MICU3: variants seen among roughly 807,000 people sequenced by gnomAD.
MICU3 encodes calcium uptake protein 3, mitochondrial.
A neutral mutation model predicts 66.5 loss-of-function variants in MICU3; 62 were observed. The observed-to-expected ratio is 0.93, with a 90% CI of 0.76 to 1.15. MICU3 has a LOEUF of 1.15. Ranked by LOEUF, MICU3 falls within the 50% of genes most tolerant of loss-of-function variation. MICU3 has a pLI of 0.00. For missense variants in MICU3, 779 were observed against 664.4 expected (o/e 1.17, Z -1.90); for synonymous variants, 308 against 240.7 (o/e 1.28, Z -2.59).
rs753397356 is a variant in MICU3 at position 17,064,204 on chromosome 8, T to A, written c.502T>A (p.Phe168Ile). ...GCAGTTATTCATGACTCCGTATGATTTTATTTTGGCTGTTACAACAGATGA... is the reference window on the plus strand; with the variant it reads ...GCAGTTATTCATGACTCCGTATGATATTATTTTGGCTGTTACAACAGATGA... The part of the protein sequence containing the change: ...EGQLFMTPYD[F>I]ILAVTTDEPK... The change falls in exon 2 of 15, where the codon TTT (phenylalanine) becomes ATT (isoleucine). Residue 168 changes from phenylalanine to isoleucine, a missense_variant. Phe to Ile is a conservative substitution (Grantham distance 21, BLOSUM62 0). Transcript: ENST00000318063. 4.3e-6 allele frequency: 7 copies of A among 1,612,400 alleles called. No individual in the cohort carries two copies. Among genetic ancestry groups the A allele is most frequent in the Non-Finnish European group, 5.9e-6 (7 of 1,178,942 alleles).
intron 13 of MICU3, among the ~76,000 whole-genome samples, chr8:17,118,500 A>T (rs987397614): frequency 2.0e-5 from 3 of 152,148 alleles, no homozygotes; most frequent in African/African-American, 7.2e-5. Flanking sequence ...TAGATCTCAA[A>T]ATCATATTCT....
chr8:17,121,364 A>G lies in MICU3; in HGVS notation c.*1077A>G, dbSNP rs1466321563. 6.6e-6 allele frequency: 1 copy of G among 151,830 alleles called. No homozygotes were observed. The highest frequency in any genetic ancestry group is 1.5e-5 in the Non-Finnish European group (1 of 67,752). 9.4% of individuals were successfully genotyped at this position (151,830 alleles called of 1,614,324 possible). A position where few individuals can be genotyped will look rare whatever the true frequency, so the allele number is the denominator to read the frequency against. ...TTATTATTTCAAAAGAATATGTCTT[A>G]AAAGGGAAAATAAAAACTTTCTGTT... On this transcript the variant is annotated 3_prime_UTR_variant, in exon 15 of 15. Coordinates refer to ENST00000318063, the MANE Select transcript of MICU3 (RefSeq NM_181723.3).
the MICU3 span, among the ~76,000 whole-genome samples, chr8:17,138,403 G>A: frequency 6.6e-6 from 1 of 152,174 alleles, no homozygotes; most frequent in Non-Finnish European, 1.5e-5. Context: ...TCATGGCAGG[G>A]TGGTGGACCA....
intron 13 of MICU3, among the ~76,000 whole-genome samples, chr8:17,117,905 G>A (rs913066661): frequency 2.0e-5 from 3 of 152,096 alleles, no homozygotes; most frequent in Admixed American, 2.0e-4. Flanking sequence ...CACCGTACCC[G>A]GCCAGTATTA....
chr8:17,085,816 A>G (rs1799412500), intron 6 of MICU3, among the ~76,000 whole-genome samples: 1 of 151,912 alleles, frequency 6.6e-6, no homozygotes, highest in African/African-American at 2.4e-5. Flanking sequence ...GTTCTTAGAT[A>G]TTTACCTTTT....
intron 2 of MICU3, among the ~76,000 whole-genome samples, chr8:17,069,137 G>T (rs1053859343): frequency 2.6e-5 from 4 of 152,014 alleles, no homozygotes; most frequent in Admixed American, 6.6e-5. Context: ...ATAGTTGTAG[G>T]GAAGAGTAAT....
intron 1 of MICU3, among the ~76,000 whole-genome samples, chr8:17,050,283 T>C (rs1156511887): frequency 6.6e-6 from 1 of 152,002 alleles, no homozygotes; most frequent in African/African-American, 2.4e-5. Flanking sequence ...TATATTTTTG[T>C]GAATTTTAAA....
intron 1 of MICU3, among the ~76,000 whole-genome samples, chr8:17,032,093 G>A (rs1448746550): frequency 1.3e-5 from 2 of 152,190 alleles, no homozygotes; most frequent in African/African-American, 4.8e-5. Flanking sequence ...AACATACACT[G>A]AGAAATGAGT....
chr8:17,138,421 A>T, the MICU3 span, among the ~76,000 whole-genome samples: 88 of 152,168 alleles, frequency 5.8e-4, no homozygotes, highest in Non-Finnish European at 1.1e-3. Flanking sequence ...CCACGAGGAA[A>T]TGACTGTGAC....
chr8:17,108,957 G>C (rs1188814264), intron 11 of MICU3, among the ~76,000 whole-genome samples: 1 of 152,072 alleles, frequency 6.6e-6, no homozygotes, highest in Admixed American at 6.6e-5. Flanking sequence ...TTCTGTCTTA[G>C]GGCTTTGTAT....
At chr8:17,136,434 A>C in the MICU3 span, among the ~76,000 whole-genome samples, 67,873 of 151,928 alleles carry the variant, frequency 0.45, 17,102 homozygotes, top group East Asian at 0.93. Context: ...TTGCACAAAG[A>C]CCCATGTCAG....
chr8:17,089,712 C>T (rs540732090), intron 7 of MICU3, among the ~76,000 whole-genome samples: 2 of 151,830 alleles, frequency 1.3e-5, no homozygotes, highest in East Asian at 3.9e-4. Flanking sequence ...TTCATTTGTA[C>T]GATGGGGGCA....
chr8:17,106,797 G>C lies in MICU3; in HGVS notation c.1257+1213G>C, dbSNP rs551367873. ...AACCTTCCAGGCTTGACTTTCTTCA[G>C]CATATTTTAGAATAGTGGAAGCTGA... On this transcript the variant is annotated intron_variant, in intron 11 of 14. Transcript: ENST00000318063. Among the ~76,000 whole-genome samples, 77 of 140,506 alleles carry C rather than the reference G, an allele frequency of 5.5e-4. 1 individual carries two copies. The highest frequency in any genetic ancestry group is 2.5e-3 in the African/African-American group (77 of 30,752). 92.2% of individuals were successfully genotyped at this position (140,506 alleles called of 152,430 possible).
intron 9 of MICU3, among the ~76,000 whole-genome samples, chr8:17,100,803 C>A (rs1419332476): frequency 6.6e-6 from 1 of 151,548 alleles, no homozygotes; most frequent in Admixed American, 6.6e-5. Flanking sequence ...TACTTTCTAA[C>A]CAAAATCATA....
intron 1 of MICU3, among the ~76,000 whole-genome samples, chr8:17,055,605 G>A (rs1233084724): frequency 6.6e-6 from 1 of 152,094 alleles, no homozygotes. Context: ...CCACTTCTAG[G>A]CCTGGCCTAT....
chr8:17,117,607 CT>C (rs1244315510), intron 13 of MICU3, among the ~76,000 whole-genome samples: 180 of 129,396 alleles, frequency 1.4e-3, no homozygotes, highest in Middle Eastern at 8.4e-3. Flanking sequence ...AAGTTTTATC[CT>C]TTTTTTTTTT....
chr8:17,028,728 CAT>C (rs1190058421), intron 1 of MICU3, among the ~76,000 whole-genome samples: 1 of 152,116 alleles, frequency 6.6e-6, no homozygotes, highest in Non-Finnish European at 1.5e-5. Context: ...AAGCACATAA[CAT>C]AAAGTCCTTT....
the MICU3 span, among the ~76,000 whole-genome samples, chr8:17,128,609 T>C: frequency 6.6e-6 from 1 of 152,196 alleles, no homozygotes; most frequent in Admixed American, 6.5e-5. Flanking sequence ...GACTTATCCT[T>C]CTACCATAAA....
intron 1 of MICU3, among the ~76,000 whole-genome samples, chr8:17,034,973 T>C (rs1812725912): frequency 6.6e-6 from 1 of 152,186 alleles, no homozygotes; most frequent in Non-Finnish European, 1.5e-5. Flanking sequence ...CACACATATG[T>C]CATGAGAGGG....
Sources: allele counts gnomAD v4.1 joint callset (sites outside exome capture counted in the v4.1 genomes callset), GRCh38; gene constraint gnomAD v4.1.1; transcripts MANE v1.5; gene names NCBI Gene and HGNC (gene_info 2026-07-23, HGNC 2026-07-21).